The following BRINP1 variants were observed in gnomAD, a reference collection of about 807,000 sequenced individuals.
BRINP1 encodes the protein BMP/retinoic acid-inducible neural-specific protein 1.
Under a neutral mutation model 72.9 loss-of-function variants are expected in BRINP1, and 17 were observed. That is an observed-to-expected ratio of 0.23 (90% confidence interval 0.16 to 0.35). The LOEUF (loss-of-function observed/expected upper bound fraction) is 0.35. Ranked by LOEUF, BRINP1 falls within the 10% of genes least tolerant of loss-of-function variation. The pLI, the probability that BRINP1 is intolerant of heterozygous loss-of-function variation, is 1.00. For missense variants in BRINP1, 850 were observed against 1,001.6 expected, an observed-to-expected ratio of 0.85 and a Z score of 2.04; for synonymous variants, 418 against 378.5, an observed-to-expected ratio of 1.10 and a Z score of -1.21.
intron 7 of BRINP1, among the ~76,000 whole-genome samples, chr9:119,204,495 C>T (rs567395708): frequency 6.6e-6 from 1 of 152,264 alleles, no homozygotes; most frequent in East Asian, 1.9e-4. Flanking sequence ...ACATTATTAA[C>T]CTTTCTGTGC....
At chr9:119,364,168 A>G (rs1220085512) in intron 1 of BRINP1, among the ~76,000 whole-genome samples, 1 of 152,158 alleles carries the variant, frequency 6.6e-6, no homozygotes, top group Non-Finnish European at 1.5e-5. Flanking sequence ...CTATTCAGAA[A>G]GAAAACTGTT....
chr9:119,368,271 C>T lies in BRINP1; in HGVS notation c.-51+785G>A, dbSNP rs371917985. ...CGCTGACTTCCCCCTTTCTCTGTCA[C>T]CCACTATCCAGTGTCTCCAAATTCC... On this transcript the variant is annotated intron_variant, in intron 1 of 7. Transcript: ENST00000265922. The surrounding 1 kb of genome is among the most constrained non-coding windows in gnomAD (Gnocchi z 4.7). 6.6e-6 allele frequency among the ~76,000 whole-genome samples: 1 copy of T among 152,194 alleles called. No individual in the cohort carries two copies. The highest frequency in any genetic ancestry group is 1.9e-4 in the East Asian group (1 of 5,192).
chr9:119,230,305 CA>C (rs1233660544), intron 5 of BRINP1, among the ~76,000 whole-genome samples: 2 of 151,900 alleles, frequency 1.3e-5, no homozygotes, highest in African/African-American at 4.8e-5. Context: ...AACTGTATAC[CA>C]AAACTTTCAC....
chr9:119,174,024 CCTAGG>C (rs1588153971), intron 7 of BRINP1, among the ~76,000 whole-genome samples: 2 of 115,784 alleles, frequency 1.7e-5, no homozygotes, highest in Admixed American at 7.7e-5. Flanking sequence ...AGACAGAAAA[CCTAGG>C]CATTACCATT....
At chr9:119,263,570 C>T (rs547704932) in intron 2 of BRINP1, among the ~76,000 whole-genome samples, 4 of 145,586 alleles carry the variant, frequency 2.7e-5, no homozygotes, top group Admixed American at 7.0e-5. Context: ...AGTACATTGC[C>T]TGGAACTTAT....
chr9:119,283,253 G>A, intron 2 of BRINP1: 3 of 871,452 alleles, frequency 3.4e-6, no homozygotes, highest in Non-Finnish European at 4.1e-6. Context: ...AGCTGCCTCA[G>A]CATCACCTGG....
intron 4 of BRINP1, among the ~76,000 whole-genome samples, chr9:119,241,292 T>G (rs1352320679): frequency 6.6e-6 from 1 of 152,210 alleles, no homozygotes; most frequent in African/African-American, 2.4e-5. Context: ...TACTGGACGG[T>G]GCTGGTGTAG....
chr9:119,316,827 T>C (rs1016271228), intron 1 of BRINP1, among the ~76,000 whole-genome samples: 2 of 152,210 alleles, frequency 1.3e-5, no homozygotes, highest in South Asian at 2.1e-4. Context: ...AGCCCATAGA[T>C]CAAGGCATGA....
intron 7 of BRINP1, among the ~76,000 whole-genome samples, chr9:119,198,146 G>A (rs961909915): frequency 6.6e-6 from 1 of 152,168 alleles, no homozygotes; most frequent in African/African-American, 2.4e-5. Flanking sequence ...TACTTCAAGA[G>A]GCTGGCCAAG....
intron 2 of BRINP1, among the ~76,000 whole-genome samples, chr9:119,293,540 T>C (rs780622168): frequency 6.6e-6 from 1 of 152,268 alleles, no homozygotes; most frequent in East Asian, 1.9e-4. Context: ...AAATGAGTAA[T>C]GAAAGTCACA....
chr9:119,333,539 A>G (rs1831321212), intron 1 of BRINP1, among the ~76,000 whole-genome samples: 1 of 151,800 alleles, frequency 6.6e-6, no homozygotes, highest in Admixed American at 6.6e-5. Flanking sequence ...TCCCCTCCAG[A>G]TTTCATTAAA....
chr9:119,178,530 T>C (rs964885152), intron 7 of BRINP1, among the ~76,000 whole-genome samples: 1 of 152,222 alleles, frequency 6.6e-6, no homozygotes, highest in Non-Finnish European at 1.5e-5. Flanking sequence ...GTTCTCTCAG[T>C]AGTTATCATG....
intron 7 of BRINP1, among the ~76,000 whole-genome samples, chr9:119,177,392 G>C (rs891003609): frequency 3.3e-5 from 5 of 152,086 alleles, no homozygotes; most frequent in Non-Finnish European, 7.4e-5. Flanking sequence ...CTGAATATTG[G>C]GTATGAGTCA....
At chr9:119,333,103 G>A (rs1342213032) in intron 1 of BRINP1, among the ~76,000 whole-genome samples, 1 of 151,540 alleles carries the variant, frequency 6.6e-6, no homozygotes, top group Non-Finnish European at 1.5e-5. Context: ...TGAGGACTCT[G>A]GTCCCCAAGC....
intron 1 of BRINP1, among the ~76,000 whole-genome samples, chr9:119,352,749 C>T (rs1012980876): frequency 3.3e-5 from 5 of 152,178 alleles, no homozygotes; most frequent in Non-Finnish European, 7.3e-5. Flanking sequence ...CTCTATGAGT[C>T]TATTCTGACT....
chr9:119,251,937 G>A (rs535544454), intron 2 of BRINP1, among the ~76,000 whole-genome samples: 30 of 152,240 alleles, frequency 2.0e-4, no homozygotes, highest in Non-Finnish European at 3.2e-4. Flanking sequence ...TCTATTTGGT[G>A]TGTGTTCTCT....
intron 2 of BRINP1, among the ~76,000 whole-genome samples, chr9:119,301,262 G>T (rs886899301): frequency 6.6e-6 from 1 of 152,136 alleles, no homozygotes; most frequent in Non-Finnish European, 1.5e-5. Flanking sequence ...AGTTAAAAAT[G>T]TTCCCCTTCT....
chr9:119,263,725 A>G (rs1481523596), intron 2 of BRINP1, among the ~76,000 whole-genome samples: 2 of 140,998 alleles, frequency 1.4e-5, no homozygotes, highest in East Asian at 4.6e-4. Context: ...CTCCTGCCTC[A>G]GCCTCCCAAG....
intron 7 of BRINP1, among the ~76,000 whole-genome samples, chr9:119,204,656 G>T (rs747412717): frequency 6.6e-6 from 1 of 152,150 alleles, no homozygotes; most frequent in Non-Finnish European, 1.5e-5. Context: ...CTTCCCTTCT[G>T]TCTCTTACTC....
Sources: gnomAD v4.1 joint callset for allele counts (sites outside exome capture counted in the v4.1 genomes callset) on GRCh38, gnomAD v4.1.1 for gene constraint, Gnocchi (gnomAD v3.1) non-coding constraint, MANE v1.5 for transcripts, NCBI Gene and HGNC (gene_info 2026-07-23, HGNC 2026-07-21) for gene names.